The following TEP1 variants were observed in gnomAD, a reference collection of about 807,000 sequenced individuals.
TEP1 encodes the protein telomerase associated protein 1, also known as telomerase protein component 1.
TEP1 carries 241 observed loss-of-function variants against 306.3 expected under a neutral mutation model. That is an observed-to-expected ratio of 0.79 (90% CI 0.71 to 0.88). TEP1 has a LOEUF of 0.88. TEP1 is among the 40% of genes least tolerant of loss of function. TEP1 has a pLI of 0.00. For synonymous variants in TEP1, 1,289 were observed against 1,305.5 expected (o/e 0.99, Z 0.27); for missense variants, 3,051 against 3,276.1 (o/e 0.93, Z 1.68).
At chr14:20,413,142 T>G (rs894438370) in intron 1 of TEP1, among the ~76,000 whole-genome samples, 2 of 152,134 alleles carry the variant, frequency 1.3e-5, no homozygotes, top group Non-Finnish European at 2.9e-5. Context: ...TTCCTGTCCC[T>G]CCCTCTCCTT....
At chr14:20,376,353 G>T in intron 41 of TEP1, 89 bp from the exon 42 acceptor site, 7 of 1,382,376 alleles carry the variant, frequency 5.1e-6, no homozygotes, top group Non-Finnish European at 6.9e-6. Flanking sequence ...GGCCATGGGG[G>T]CTGAGGGTGA....
chr14:20,389,386 C>A (rs1877504536), intron 16 of TEP1, 89 bp from the exon 17 acceptor site: 13 of 1,503,592 alleles, frequency 8.6e-6, no homozygotes, highest in Non-Finnish European at 1.2e-5. Flanking sequence ...GAAAACCCCA[C>A]TTCTGCACCT....
chr14:20,386,519 G>A lies in TEP1; in HGVS notation c.2789C>T (p.Ala930Val), dbSNP rs1566461407. 1.9e-6 allele frequency: 3 copies of A among 1,612,900 alleles called. No individual in the cohort carries two copies. The highest frequency in any genetic ancestry group is 2.5e-6 in the Non-Finnish European group (3 of 1,179,428). ...SVLPALQARA[A>V]PHRISLHGID... is the part of the protein sequence containing the mutation. Reference sequence around the variant, plus strand: ...TCCGTGAAGGCTGATACGGTGAGGGGCCGCTCGGGCCTGCAGTGCTGGCAG... The same window carrying A: ...TCCGTGAAGGCTGATACGGTGAGGGACCGCTCGGGCCTGCAGTGCTGGCAG... Residue 930 changes from alanine (A) to valine (V), a missense_variant, in exon 19 of 55, where the codon GCC becomes GTC. Physicochemically the swap from Ala to Val is moderately conservative, Grantham distance 64. Coordinates refer to ENST00000262715, the MANE Select transcript of TEP1 (RefSeq NM_007110.5).
At position 20,374,505 on chromosome 14, in the gene TEP1, A is replaced by G; in HGVS notation, c.6395T>C (p.Leu2132Pro). Reference protein sequence around the residue: ...ISCSSDGSVGLWDPESGQRLG... With the variant: ...ISCSSDGSVGPWDPESGQRLG... ...CCGCTGTCCTGACTCTGGGTCCCAG[A>G]GCCCCACAGAGCCATCACTGGAGCA... is the stretch of plus-strand genomic sequence containing the variant. The change falls in exon 44 of 55, where the codon CTC becomes CCC. Residue 2132 changes from leucine (L) to proline (P), a missense_variant. This residue lies in a region of TEP1 where 1,540 missense variants were observed against 1,705.9 expected (regional missense o/e 0.90). Coordinates refer to ENST00000262715, the MANE Select transcript of TEP1 (RefSeq NM_007110.5). The G allele has an allele frequency of 6.2e-7, 1 of 1,613,408 alleles. No homozygotes were observed. Among genetic ancestry groups the G allele is most frequent in the Non-Finnish European group, 8.5e-7 (1 of 1,179,886 alleles).
rs1164706859 is a variant in TEP1 at position 20,387,987 on chromosome 14, G to A, written c.2602C>T (p.Pro868Ser). The A allele has an allele frequency of 1.9e-6, 3 of 1,614,164 alleles. No homozygotes were observed. The highest frequency in any genetic ancestry group is 4.5e-5 in the East Asian group (2 of 44,890). ...GACTGGACCCCTGTCTTTCCTGGGG[G>A]TGGTGGAATCTTGAATATTTTGTCC... ...QMDKIFKIPP[P>S]PGKTGVQSLR... The change falls in exon 18 of 55, where the codon CCC becomes TCC. Residue 868 changes from proline to serine, a missense_variant. This residue lies in a region of TEP1 where 1,507 missense variants were observed against 1,550.5 expected (regional missense o/e 0.97). Coordinates refer to ENST00000262715, the MANE Select transcript of TEP1 (RefSeq NM_007110.5).
In TEP1 at chr14:20,406,316, C is replaced by A; in HGVS notation, c.652G>T (p.Val218Leu). 1 of 1,613,570 alleles carries A rather than the reference C, an allele frequency of 6.2e-7. No homozygotes were observed. Among genetic ancestry groups the A allele is most frequent in the Non-Finnish European group, 8.5e-7 (1 of 1,179,608 alleles). ...GTGAGCTTCACGGCCAGATCCTCCACCTCCTCCTCCTCTCCCAAGCTCAGA... is the reference window on the plus strand; with the variant it reads ...GTGAGCTTCACGGCCAGATCCTCCAACTCCTCCTCCTCTCCCAAGCTCAGA... ...YSLSLGEEEE[V>L]EDLAVKLTSG... The change falls in exon 3 of 55, where the codon GTG becomes TTG. Residue 218 changes from valine (V) to leucine (L), a missense_variant. Coordinates refer to ENST00000262715, the MANE Select transcript of TEP1 (RefSeq NM_007110.5).
chr14:20,405,128 G>A (rs565718546), intron 4 of TEP1, among the ~76,000 whole-genome samples: 4 of 152,194 alleles, frequency 2.6e-5, no homozygotes, highest in South Asian at 2.1e-4. Context: ...ATTTCCCACC[G>A]CGCTCTTCTT....
chr14:20,368,764 GCACACACACACA>G lies in TEP1; in HGVS notation c.7761+22_7761+33del. 9 of 1,343,566 alleles carry G rather than the reference GCACACACACACA, an allele frequency of 6.7e-6. No homozygotes were observed. In the South Asian group the frequency reaches 8.5e-5, roughly 13 times the overall value. 83.2% of individuals were successfully genotyped at this position (1,343,566 alleles called of 1,614,324 possible). A position where few individuals can be genotyped will look rare whatever the true frequency, so the allele number is the denominator to read the frequency against. On this transcript the variant is annotated intron_variant, in intron 54 of 54. Coordinates refer to ENST00000262715, the MANE Select transcript of TEP1 (RefSeq NM_007110.5). ...CTTTGGGATAGGTGTGCAGGCGCAC[GCACACACACACA>G]CACACACACACACACACTTACCAGC...
chr14:20,403,092 G>A (rs959844553), intron 7 of TEP1, among the ~76,000 whole-genome samples: 1 of 151,272 alleles, frequency 6.6e-6, no homozygotes, highest in Non-Finnish European at 1.5e-5. Flanking sequence ...GTGAGGTGGA[G>A]GTTGTAGTGA....
intron 35 of TEP1, among the ~76,000 whole-genome samples, 153 bp from the exon 36 acceptor site, chr14:20,379,258 G>T (rs1392568882): frequency 6.6e-6 from 1 of 152,222 alleles, no homozygotes; most frequent in South Asian, 2.1e-4. Context: ...TCAAGTGGGG[G>T]CCTCGTGATC....
intron 12 of TEP1, 112 bp from the exon 13 acceptor site, chr14:20,391,879 G>T: frequency 8.4e-7 from 1 of 1,192,648 alleles, no homozygotes; most frequent in Non-Finnish European, 1.2e-6. Flanking sequence ...CCTCCCTCAA[G>T]CACCATACCC....
At position 20,373,744 on chromosome 14, in the gene TEP1, G is replaced by A; in HGVS notation, c.6538C>T (p.Leu2180=). ...LKVWDHQGVE[L]TSIPAHSGPI... The stretch of plus-strand genomic sequence containing the variant: ...CCTGAGTGAGCAGGGATGCTGGTCA[G>A]CTCCACGCCTTGATGGTCCCACACT... Residue 2180 remains leucine (L), a synonymous_variant, in exon 45 of 55, where the codon CTG becomes TTG. Coordinates refer to ENST00000262715, the MANE Select transcript of TEP1 (RefSeq NM_007110.5). 1 of 1,614,184 alleles carries A rather than the reference G, an allele frequency of 6.2e-7. No homozygotes were observed. The highest frequency in any genetic ancestry group is 1.3e-5 in the African/African-American group (1 of 75,056).
chr14:20,398,919 T>C (rs565975246), intron 9 of TEP1, among the ~76,000 whole-genome samples: 1 of 152,128 alleles, frequency 6.6e-6, no homozygotes, highest in Non-Finnish European at 1.5e-5. Context: ...TTTTTTTATT[T>C]TTGAGATGGA....
chr14:20,389,562 G>A, intron 16 of TEP1, 48 bp downstream of exon 16: 1 of 1,606,144 alleles, frequency 6.2e-7, no homozygotes, highest in Non-Finnish European at 8.5e-7. Context: ...GAGAGGAAAT[G>A]TAGACCACTG....
Position 20,368,169 on chromosome 14 carries a change from G to T in TEP1, c.*268C>A. 2 of 288,594 alleles carry T rather than the reference G, an allele frequency of 6.9e-6. No individual in the cohort carries two copies. The highest frequency in any genetic ancestry group is 6.4e-6 in the Non-Finnish European group (1 of 155,666). The allele number at this position is 288,594 out of a possible 1,614,324, so 17.9% of individuals were successfully genotyped here. The stretch of plus-strand genomic sequence containing the variant: ...TAGTTTCAAAAGAGTACCTACTAAA[G>T]ATTTCATTCACTTTCTTGTGGTTCT... On this transcript the variant is annotated 3_prime_UTR_variant, in exon 55 of 55. Transcript: ENST00000262715.
chr14:20,378,718 A>T, intron 37 of TEP1, 36 bp downstream of exon 37: 2 of 1,606,360 alleles, frequency 1.2e-6, no homozygotes, highest in East Asian at 4.5e-5. Flanking sequence ...GTCATGGCTC[A>T]GGGCCACTCT....
rs1367484492 is a variant in TEP1 at position 20,377,757 on chromosome 14, G to C, written c.5722-4C>G. The C allele has an allele frequency of 6.2e-7, 1 of 1,612,834 alleles. No homozygotes were observed. Among genetic ancestry groups the C allele is most frequent in the East Asian group, 2.2e-5 (1 of 44,862 alleles). ...GAGACCCTGACCACACCTGAACCTG[G>C]GAACCAAGAAAAGGGCTTAAGGATA... On this transcript the variant is annotated splice_region_variant and splice_polypyrimidine_tract_variant and intron_variant, in intron 39 of 54. Transcript: ENST00000262715.
intron 12 of TEP1, 130 bp from the exon 13 acceptor site, chr14:20,391,897 C>T: frequency 1.1e-6 from 1 of 913,568 alleles, no homozygotes; most frequent in Non-Finnish European, 1.7e-6. Flanking sequence ...CCCGCTTCCA[C>T]AGCCCACTCC....
intron 1 of TEP1, among the ~76,000 whole-genome samples, chr14:20,409,247 A>G (rs886912986): frequency 6.6e-6 from 1 of 152,160 alleles, no homozygotes; most frequent in Admixed American, 6.5e-5. Flanking sequence ...TTTGCTTTCC[A>G]TGATGCTACT....
Sources: allele counts gnomAD v4.1 joint callset (sites outside exome capture counted in the v4.1 genomes callset), GRCh38; gene constraint gnomAD v4.1.1; regional missense constraint gnomAD v4.1.1; transcripts MANE v1.5; gene names NCBI Gene and HGNC (gene_info 2026-07-23, HGNC 2026-07-21).